Variants in ROBO1 observed in about 807,000 individuals in gnomAD.
ROBO1 encodes roundabout guidance receptor 1.
A neutral mutation model predicts 195.9 loss-of-function variants in ROBO1; 149 were observed. That is an observed-to-expected ratio of 0.76 (90% CI 0.67 to 0.87). ROBO1 has a LOEUF of 0.87. Among genes scored for constraint, ROBO1 ranks in the 40% least tolerant of loss-of-function variants. The pLI is 0.00. For synonymous variants in ROBO1, 816 were observed against 733.2 expected (o/e 1.11, Z -1.82); for missense variants, 1,933 against 2,068.3 (o/e 0.93, Z 1.27).
In ROBO1 at chr3:79,505,674, TAAG is replaced by T. The variant is rs556174009; in HGVS notation, c.88+84147_88+84149del. ...CAGTCTCTCCACTACAGACGAGGTG[TAAG>T]AAGGACAATAAAGATGAAGAGCAAA... is the stretch of plus-strand genomic sequence containing the variant. On this transcript the variant is annotated intron_variant, in intron 2 of 30. Transcript: ENST00000464233. Among the ~76,000 whole-genome samples, 172 of 152,218 alleles carry T rather than the reference TAAG, an allele frequency of 1.1e-3. 1 individual carries two copies. In the Middle Eastern group the frequency reaches 0.037, roughly 33 times the overall value.
At chr3:79,390,994 A>G (rs1243355882) in intron 2 of ROBO1, among the ~76,000 whole-genome samples, 5 of 152,022 alleles carry the variant, frequency 3.3e-5, no homozygotes, top group Non-Finnish European at 7.4e-5. Context: ...ATAGTTCTTA[A>G]TGAGTTGTTA....
chr3:79,627,929 C>A (rs1471069839), intron 1 of ROBO1, among the ~76,000 whole-genome samples: 1 of 152,072 alleles, frequency 6.6e-6, no homozygotes, highest in Non-Finnish European at 1.5e-5. Context: ...AAATGCAAAT[C>A]AAAACCACAG....
chr3:79,577,563 A>G (rs932215733), intron 2 of ROBO1, among the ~76,000 whole-genome samples: 3 of 152,130 alleles, frequency 2.0e-5, no homozygotes, highest in African/African-American at 7.2e-5. Context: ...TATTTGGATA[A>G]AGGATTTGAA....
At chr3:78,942,217 C>T (rs1435706151) in intron 3 of ROBO1, among the ~76,000 whole-genome samples, 1 of 151,996 alleles carries the variant, frequency 6.6e-6, no homozygotes, top group African/African-American at 2.4e-5. Flanking sequence ...CAATGATCAC[C>T]TGGGCCTGGG....
intron 4 of ROBO1, among the ~76,000 whole-genome samples, chr3:78,840,914 T>C (rs187606540): frequency 6.6e-6 from 1 of 151,222 alleles, no homozygotes; most frequent in East Asian, 2.0e-4. Context: ...TACAAAAAAT[T>C]AGCTGGGCGT....
chr3:79,009,025 C>A (rs911243430), intron 3 of ROBO1, among the ~76,000 whole-genome samples: 1 of 150,694 alleles, frequency 6.6e-6, no homozygotes, highest in African/African-American at 2.4e-5. Context: ...ACTGCAACTT[C>A]TGCCTCCCGG....
intron 2 of ROBO1, among the ~76,000 whole-genome samples, chr3:79,188,663 C>A (rs1013448415): frequency 6.6e-6 from 1 of 151,520 alleles, no homozygotes; most frequent in Non-Finnish European, 1.5e-5. Context: ...TTTCATTGAA[C>A]CAATACATTT....
At chr3:79,316,982 C>A (rs2033764658) in intron 2 of ROBO1, among the ~76,000 whole-genome samples, 2 of 152,204 alleles carry the variant, frequency 1.3e-5, no homozygotes, top group South Asian at 4.1e-4. Context: ...GTTGCAAAAC[C>A]AAATGCATCT....
intron 1 of ROBO1, among the ~76,000 whole-genome samples, chr3:79,754,375 T>G (rs1704274299): frequency 6.6e-6 from 1 of 152,188 alleles, no homozygotes; most frequent in Admixed American, 6.5e-5. Flanking sequence ...TGCCTACAAG[T>G]GTCTAGCTCC....
intron 1 of ROBO1, among the ~76,000 whole-genome samples, chr3:79,605,293 G>GTC (rs1354293269): frequency 6.8e-6 from 1 of 147,630 alleles, no homozygotes; most frequent in Admixed American, 6.8e-5. Context: ...CTAAATATTG[G>GTC]TCTGTAAAGC....
At chr3:79,447,148 C>T (rs1187268486) in intron 2 of ROBO1, among the ~76,000 whole-genome samples, 1 of 152,100 alleles carries the variant, frequency 6.6e-6, no homozygotes, top group Non-Finnish European at 1.5e-5. Flanking sequence ...AACTTGATTA[C>T]AGGTGTGAGC....
At chr3:79,712,905 C>T (rs1702330950) in intron 1 of ROBO1, among the ~76,000 whole-genome samples, 2 of 152,000 alleles carry the variant, frequency 1.3e-5, no homozygotes, top group Non-Finnish European at 2.9e-5. Flanking sequence ...TGATAGTACA[C>T]CTGTTTATAG....
intron 4 of ROBO1, among the ~76,000 whole-genome samples, chr3:78,766,983 G>A (rs942570042): frequency 6.6e-6 from 1 of 152,122 alleles, no homozygotes; most frequent in Non-Finnish European, 1.5e-5. Context: ...TGATCATGGT[G>A]GATTATCTGT....
chr3:78,627,306 C>T lies in ROBO1; in HGVS notation c.3875+15G>A, dbSNP rs373597403. 17 of 1,606,986 alleles carry T rather than the reference C, an allele frequency of 1.1e-5. No individual in the cohort carries two copies. In the South Asian group the frequency reaches 1.8e-4, roughly 17 times the overall value. ...TTATCTGATTTGTTAGCAAAGAAGG[C>T]TAGTGACAACATACCTCCTGTCGGG... On this transcript the variant is annotated intron_variant, in intron 26 of 30. Coordinates refer to ENST00000464233, the MANE Select transcript of ROBO1 (RefSeq NM_002941.4).
intron 3 of ROBO1, among the ~76,000 whole-genome samples, chr3:79,036,599 A>G (rs1251043254): frequency 6.6e-6 from 1 of 152,156 alleles, no homozygotes; most frequent in Non-Finnish European, 1.5e-5. Flanking sequence ...AATGATGTCA[A>G]TATGTTCATA....
intron 3 of ROBO1, among the ~76,000 whole-genome samples, chr3:79,016,153 T>G (rs1221702413): frequency 6.6e-6 from 1 of 152,238 alleles, no homozygotes; most frequent in Non-Finnish European, 1.5e-5. Flanking sequence ...TTCTAGTCAC[T>G]TGAGTTCTGT....
At chr3:78,977,050 TAA>T (rs2076898772) in intron 3 of ROBO1, among the ~76,000 whole-genome samples, 1 of 152,088 alleles carries the variant, frequency 6.6e-6, no homozygotes, top group Non-Finnish European at 1.5e-5. Flanking sequence ...TCAAAATTGG[TAA>T]AACAAAAACA....
intron 2 of ROBO1, among the ~76,000 whole-genome samples, chr3:79,140,144 C>T (rs1444158609): frequency 2.0e-5 from 3 of 152,090 alleles, no homozygotes; most frequent in Non-Finnish European, 2.9e-5. Context: ...ATCCTTTACC[C>T]AGTGCTCTTT....
At chr3:79,748,025 C>G (rs189542630) in intron 1 of ROBO1, among the ~76,000 whole-genome samples, 44 of 151,852 alleles carry the variant, frequency 2.9e-4, no homozygotes, top group Non-Finnish European at 5.3e-4. Flanking sequence ...CATAAAAATG[C>G]ATGGTTGTTC....
Sources: gnomAD v4.1 joint callset for allele counts (sites outside exome capture counted in the v4.1 genomes callset) on GRCh38, gnomAD v4.1.1 for gene constraint, MANE v1.5 for transcripts, NCBI Gene and HGNC (gene_info 2026-07-23, HGNC 2026-07-21) for gene names.